The following SV2B variants were observed in gnomAD, a reference collection of about 807,000 sequenced individuals.
SV2B encodes the protein synaptic vesicle glycoprotein 2B, also known as solute carrier family 22 member B2.
A neutral mutation model predicts 73.9 loss-of-function variants in SV2B; 41 were observed. The ratio of observed to expected loss-of-function variants is 0.56; its 90% CI spans 0.43 to 0.72. The LOEUF is 0.72. SV2B is among the 30% of genes least tolerant of loss of function. The pLI, the probability that SV2B is intolerant of heterozygous loss-of-function variation, is 0.00. For missense variants in SV2B, 764 were observed against 857.8 expected (o/e 0.89, Z 1.37); for synonymous variants, 314 against 314.2 (o/e 1.00, Z 0.01).
chr15:91,212,917 G>A (rs2045914433), intron 1 of SV2B, among the ~76,000 whole-genome samples: 1 of 151,556 alleles, frequency 6.6e-6, no homozygotes. Context: ...GAGGCAAGGG[G>A]ATCACTTGAG....
chr15:91,192,467 T>C (rs564968048), intron 1 of SV2B, among the ~76,000 whole-genome samples: 1 of 152,360 alleles, frequency 6.6e-6, no homozygotes, highest in Admixed American at 6.5e-5. Context: ...GACTTTGGCC[T>C]CTTTAAACTT....
chr15:91,219,613 C>T (rs1296259210), intron 1 of SV2B, among the ~76,000 whole-genome samples: 1 of 152,104 alleles, frequency 6.6e-6, no homozygotes, highest in Non-Finnish European at 1.5e-5. Flanking sequence ...GGGGCAGCAG[C>T]TTTATTGAGG....
chr15:91,247,644 T>C (rs1329997964), intron 2 of SV2B, among the ~76,000 whole-genome samples: 1 of 152,160 alleles, frequency 6.6e-6, no homozygotes, highest in Non-Finnish European at 1.5e-5. Flanking sequence ...TGAAGTGCAA[T>C]GTGGCCTCTG....
rs1203391910 is a variant in SV2B, at chr15:91,137,323, AT to A, written c.-392+36962del. On this transcript the variant is annotated intron_variant, in intron 1 of 12. Transcript: ENST00000394232. The surrounding 1 kb of genome is among the most constrained non-coding windows in gnomAD (Gnocchi z 4.9). ...TCTACCCACCTCCATTGTTTTAAAA[AT>A]TGTGTGATTCTAAATGTGAGATGGA... Among the ~76,000 whole-genome samples the A allele has an allele frequency of 6.6e-6, 1 of 152,132 alleles. No individual in the cohort carries two copies. The highest frequency in any genetic ancestry group is 1.5e-5 in the Non-Finnish European group (1 of 68,028).
In SV2B at chr15:91,261,962, T is replaced by G. The variant is rs1199623921; in HGVS notation, c.1008+1553T>G. Among the ~76,000 whole-genome samples, 1 of 152,256 alleles carries G rather than the reference T, an allele frequency of 6.6e-6. No individual in the cohort carries two copies. Among genetic ancestry groups the G allele is most frequent in the Non-Finnish European group, 1.5e-5 (1 of 68,036 alleles). ...ATCCATTTTCTCAAGGAAACCTTCCTGGAGTAACTCCTACCTAACTTTGAT... is the reference window on the plus strand; with the variant it reads ...ATCCATTTTCTCAAGGAAACCTTCCGGGAGTAACTCCTACCTAACTTTGAT... On this transcript the variant is annotated intron_variant, in intron 6 of 12. Coordinates refer to ENST00000394232, the MANE Select transcript of SV2B (RefSeq NM_001323032.3). This position sits in a 1 kb window ranked among gnomAD's most constrained non-coding sequence, Gnocchi z 4.7.
chr15:91,149,594 G>T (rs981095597), intron 1 of SV2B, among the ~76,000 whole-genome samples: 1 of 152,196 alleles, frequency 6.6e-6, no homozygotes, highest in African/African-American at 2.4e-5. Flanking sequence ...TGGGAGCCAC[G>T]CTCTTAGTCT....
intron 1 of SV2B, among the ~76,000 whole-genome samples, chr15:91,133,970 G>A (rs930379943): frequency 4.0e-5 from 6 of 149,740 alleles, no homozygotes; most frequent in Non-Finnish European, 7.4e-5. Context: ...TAAAAATAAG[G>A]TCCTCCCATG....
At chr15:91,176,422 G>A (rs1304801724) in intron 1 of SV2B, among the ~76,000 whole-genome samples, 1 of 151,534 alleles carries the variant, frequency 6.6e-6, no homozygotes, top group South Asian at 2.1e-4. Flanking sequence ...TGGATGGCTG[G>A]GTCAAATGGT....
At chr15:91,160,172 A>G (rs1040940616) in intron 1 of SV2B, among the ~76,000 whole-genome samples, 1 of 152,238 alleles carries the variant, frequency 6.6e-6, no homozygotes, top group Middle Eastern at 3.2e-3. Flanking sequence ...TAATTCTGAT[A>G]AGAATCATAA....
chr15:91,102,329 C>CT (rs1430254418), intron 1 of SV2B: 1 of 152,198 alleles, frequency 6.6e-6, no homozygotes, highest in Non-Finnish European at 1.5e-5. Flanking sequence ...AGGTGAGTGT[C>CT]TTGGGCAAGT....
At chr15:91,174,482 G>GA (rs5814465) in intron 1 of SV2B, among the ~76,000 whole-genome samples, 40 of 148,896 alleles carry the variant, frequency 2.7e-4, no homozygotes, top group East Asian at 8.0e-4. Flanking sequence ...TGTTTAGGGA[G>GA]AAAAAAAAAA....
At chr15:91,158,875 G>C (rs996139190) in intron 1 of SV2B, among the ~76,000 whole-genome samples, 1 of 151,402 alleles carries the variant, frequency 6.6e-6, no homozygotes, top group Non-Finnish European at 1.5e-5. Flanking sequence ...CGTTGGAGCT[G>C]AGTCTCCTTA....
In SV2B at chr15:91,226,288, A is replaced by G. The variant is rs1157777639; in HGVS notation, c.25A>G (p.Asn9Asp). Residue 9 changes from asparagine to aspartate, a missense_variant, in exon 2 of 13, where the codon AAT (asparagine) becomes GAT (aspartate). By Grantham distance (23) the Asn-to-Asp change is conservative (BLOSUM62 1). Coordinates refer to ENST00000394232, the MANE Select transcript of SV2B (RefSeq NM_001323032.3). ...AATGGATGACTACAAGTATCAGGAC[A>G]ATTATGGGGGCTATGCTCCCAGTGA... MDDYKYQD[N>D]YGGYAPSDGY... 6.2e-7 allele frequency: 1 copy of G among 1,614,170 alleles called. No individual in the cohort carries two copies. The highest frequency in any genetic ancestry group is 8.5e-7 in the Non-Finnish European group (1 of 1,180,032).
chr15:91,186,234 C>G (rs545558152), intron 1 of SV2B, among the ~76,000 whole-genome samples: 6 of 152,218 alleles, frequency 3.9e-5, no homozygotes, highest in African/African-American at 1.4e-4. Flanking sequence ...AACTTCAGGG[C>G]CTCTGGAGAA....
chr15:91,192,726 C>T (rs1239460343), intron 1 of SV2B, among the ~76,000 whole-genome samples: 4 of 152,162 alleles, frequency 2.6e-5, no homozygotes, highest in Non-Finnish European at 5.9e-5. Context: ...GAATTCACTC[C>T]AATTTTTCCC....
chr15:91,155,903 C>T (rs1011752255), intron 1 of SV2B, among the ~76,000 whole-genome samples: 1 of 151,988 alleles, frequency 6.6e-6, no homozygotes, highest in African/African-American at 2.4e-5. Flanking sequence ...CTGAAACCCA[C>T]GTGGCCACTC....
At chr15:91,116,802 T>C (rs2151737424) in intron 1 of SV2B, among the ~76,000 whole-genome samples, 1 of 152,304 alleles carries the variant, frequency 6.6e-6, no homozygotes, top group African/African-American at 2.4e-5. Flanking sequence ...CACAGTTCCA[T>C]GTGGCTGGGG....
chr15:91,168,033 G>A (rs1036356797), intron 1 of SV2B, among the ~76,000 whole-genome samples: 1 of 152,018 alleles, frequency 6.6e-6, no homozygotes, highest in Non-Finnish European at 1.5e-5. Context: ...TCTGGGGGAT[G>A]GTGTCTAGTA....
intron 1 of SV2B, among the ~76,000 whole-genome samples, chr15:91,150,622 G>A (rs1270749765): frequency 6.6e-6 from 1 of 152,228 alleles, no homozygotes; most frequent in Non-Finnish European, 1.5e-5. Context: ...AGGAGGACCA[G>A]CTGTCCATAT....
Sources: gnomAD v4.1 joint callset for allele counts (sites outside exome capture counted in the v4.1 genomes callset) on GRCh38, gnomAD v4.1.1 for gene constraint, Gnocchi (gnomAD v3.1) non-coding constraint, MANE v1.5 for transcripts, NCBI Gene and HGNC (gene_info 2026-07-23, HGNC 2026-07-21) for gene names.